The following CDH18 variants were observed in gnomAD, a reference collection of about 807,000 sequenced individuals.
CDH18 encodes cadherin-18.
Under a neutral mutation model 67.9 loss-of-function variants are expected in CDH18, and 31 were observed. The observed-to-expected ratio is 0.46, with a 90% confidence interval of 0.34 to 0.62. The LOEUF is 0.62. Among genes scored for constraint, CDH18 ranks in the 20% least tolerant of loss-of-function variants. The probability of loss-of-function intolerance (pLI) is 0.01; values close to 1 mark genes in which losing one functional copy is unlikely to be tolerated. For synonymous variants in CDH18, 362 were observed against 347.2 expected (o/e 1.04, Z -0.48); for missense variants, 890 against 975.5 (o/e 0.91, Z 1.17).
chr5:19,521,276 C>T (rs548595854), intron 9 of CDH18, among the ~76,000 whole-genome samples: 10 of 151,994 alleles, frequency 6.6e-5, no homozygotes, highest in Admixed American at 4.6e-4. Flanking sequence ...AAGTCACGCT[C>T]GGGGAAAAAT....
At chr5:19,540,118 A>G (rs1400035716) in intron 9 of CDH18, among the ~76,000 whole-genome samples, 1 of 141,778 alleles carries the variant, frequency 7.1e-6, no homozygotes, top group Non-Finnish European at 1.5e-5. Context: ...AATTAAGTAA[A>G]TATAGCCATT....
intron 2 of CDH18, among the ~76,000 whole-genome samples, chr5:19,907,936 C>T (rs903117527): frequency 6.6e-6 from 1 of 151,940 alleles, no homozygotes; most frequent in Non-Finnish European, 1.5e-5. Flanking sequence ...ATTTAGCAAC[C>T]TGGTATATAT....
intron 2 of CDH18, among the ~76,000 whole-genome samples, chr5:20,192,490 C>T (rs1321151696): frequency 2.6e-5 from 4 of 152,056 alleles, no homozygotes; most frequent in South Asian, 2.1e-4. Context: ...TTGGGTTTTA[C>T]ATTTAAGCCT....
At chr5:20,458,604 C>T (rs920513659) in intron 1 of CDH18, among the ~76,000 whole-genome samples, 4 of 152,136 alleles carry the variant, frequency 2.6e-5, no homozygotes, top group African/African-American at 7.2e-5. Context: ...GGCAACAGAG[C>T]GAGACTTTGT....
At chr5:20,320,945 C>T (rs1358518312) in intron 1 of CDH18, among the ~76,000 whole-genome samples, 1 of 152,062 alleles carries the variant, frequency 6.6e-6, no homozygotes, top group Non-Finnish European at 1.5e-5. Context: ...TGGGGTGGTG[C>T]ATGGATAGCC....
intron 3 of CDH18, among the ~76,000 whole-genome samples, chr5:19,804,564 T>C (rs555672072): frequency 6.6e-6 from 1 of 152,322 alleles, no homozygotes; most frequent in Non-Finnish European, 1.5e-5. Context: ...TGTTCTACTC[T>C]TCAGGTATAT....
chr5:20,493,898 C>T (rs1241193845), intron 1 of CDH18, among the ~76,000 whole-genome samples: 1 of 151,848 alleles, frequency 6.6e-6, no homozygotes, highest in Non-Finnish European at 1.5e-5. Flanking sequence ...ACTCAGTCTC[C>T]CACATGAGAA....
chr5:19,871,344 T>C (rs1298515140), intron 2 of CDH18, among the ~76,000 whole-genome samples: 1 of 152,202 alleles, frequency 6.6e-6, no homozygotes, highest in South Asian at 2.1e-4. Context: ...GCTCAATTCA[T>C]ATACTATTCT....
At chr5:20,126,859 G>T (rs1292167883) in intron 2 of CDH18, among the ~76,000 whole-genome samples, 1 of 152,172 alleles carries the variant, frequency 6.6e-6, no homozygotes, top group Non-Finnish European at 1.5e-5. Context: ...CACTTTTGAT[G>T]AGAATGTAAA....
intron 1 of CDH18, among the ~76,000 whole-genome samples, chr5:20,366,900 G>T (rs528226066): frequency 1.3e-5 from 2 of 152,104 alleles, no homozygotes; most frequent in Non-Finnish European, 2.9e-5. Flanking sequence ...CTGGACTCTT[G>T]AACCAAGCTG....
In CDH18 at chr5:20,407,148, C is replaced by G. The variant is rs1024022809; in HGVS notation, c.-579-151643G>C. Among the ~76,000 whole-genome samples, 15 of 152,260 alleles carry G rather than the reference C, an allele frequency of 9.9e-5. No individual in the cohort carries two copies. The South Asian group carries it at 3.1e-3, about 32-fold the overall frequency. ...TAGTCTAAACTGGCACAGACACTTGCCACAGCTATCTGGCTAACTGCAGAG... is the reference window on the plus strand; with the variant it reads ...TAGTCTAAACTGGCACAGACACTTGGCACAGCTATCTGGCTAACTGCAGAG... On this transcript the variant is annotated intron_variant, in intron 1 of 14. Coordinates refer to the CDH18 transcript ENST00000507958.
chr5:20,252,890 T>C (rs1428128825), intron 2 of CDH18, among the ~76,000 whole-genome samples: 4 of 150,816 alleles, frequency 2.7e-5, no homozygotes, highest in African/African-American at 7.3e-5. Context: ...GAGCCGAGAT[T>C]GTGCCACTGC....
intron 2 of CDH18, among the ~76,000 whole-genome samples, chr5:20,233,294 G>C (rs1457894490): frequency 6.6e-6 from 1 of 151,352 alleles, no homozygotes; most frequent in Non-Finnish European, 1.5e-5. Flanking sequence ...TGATTATTCA[G>C]AGGTTTATGA....
chr5:19,853,348 T>C (rs1783920676), intron 2 of CDH18, among the ~76,000 whole-genome samples: 1 of 152,118 alleles, frequency 6.6e-6, no homozygotes, highest in South Asian at 2.1e-4. Context: ...ACTGATCTTA[T>C]GACTTCATTT....
Position 19,874,324 on chromosome 5 carries a change from C to T in CDH18, c.-256-35082G>A, listed in dbSNP as rs533353322. Among the ~76,000 whole-genome samples, 12 of 152,214 alleles carry T rather than the reference C, an allele frequency of 7.9e-5. No homozygotes were observed. The South Asian group carries it at 1.0e-3, about 13-fold the overall frequency. On this transcript the variant is annotated intron_variant, in intron 2 of 12. Coordinates refer to ENST00000382275, the MANE Select transcript of CDH18 (RefSeq NM_004934.5). ...TCATTTTATTACATCTGATTCTAAT[C>T]GCTTATTTAAGTTATCTGCCTGACT...
intron 12 of CDH18, 110 bp downstream of exon 12, chr5:19,483,181 GAAATTGGAGC>G (rs1428603244): frequency 2.3e-6 from 2 of 880,146 alleles, no homozygotes; most frequent in Non-Finnish European, 3.5e-6. Context: ...TAATTCATAG[GAAATTGGAGC>G]AGCTGTTTCC....
At chr5:20,021,248 G>A (rs78837070) in intron 2 of CDH18, among the ~76,000 whole-genome samples, 1,747 of 152,206 alleles carry the variant, frequency 0.011, 40 homozygotes, top group African/African-American at 0.04. Flanking sequence ...TCTCATAGGT[G>A]TAAGGGACTT....
intron 4 of CDH18, among the ~76,000 whole-genome samples, chr5:19,731,545 A>T (rs1385512104): frequency 6.6e-6 from 1 of 152,172 alleles, no homozygotes; most frequent in African/African-American, 2.4e-5. Flanking sequence ...GGAATTAGAG[A>T]TACTCAATCT....
At chr5:20,097,361 G>A (rs929687504) in intron 2 of CDH18, among the ~76,000 whole-genome samples, 4 of 152,142 alleles carry the variant, frequency 2.6e-5, no homozygotes, top group African/African-American at 9.7e-5. Context: ...TGAAGGAAGA[G>A]CAAAGGGACG....
Sources: gnomAD v4.1 joint callset for allele counts (sites outside exome capture counted in the v4.1 genomes callset) on GRCh38, gnomAD v4.1.1 for gene constraint, MANE v1.5 for transcripts, NCBI Gene and HGNC (gene_info 2026-07-23, HGNC 2026-07-21) for gene names.